Variants in DMXL1 observed in about 807,000 individuals in gnomAD.
DMXL1 encodes dmX-like protein 1.
In DMXL1, 99 loss-of-function variants were observed where a neutral mutation model predicts 319.2. The observed-to-expected ratio is 0.31, with a 90% CI of 0.26 to 0.37. The LOEUF (loss-of-function observed/expected upper bound fraction) is 0.37. Ranked by LOEUF, DMXL1 falls within the 10% of genes least tolerant of loss-of-function variation. The pLI is 1.00. For synonymous variants in DMXL1, 1,385 were observed against 1,235.2 expected, an observed-to-expected ratio of 1.12 and a Z score of -2.54; for missense variants, 3,745 against 3,595.6, an observed-to-expected ratio of 1.04 and a Z score of -1.06.
chr5:119,072,949 A>T (rs1023386903), intron 1 of DMXL1, among the ~76,000 whole-genome samples: 4 of 152,182 alleles, frequency 2.6e-5, no homozygotes, highest in Non-Finnish European at 4.4e-5. Context: ...AGGAAAGTAA[A>T]CATCATCCTT....
In DMXL1 at chr5:119,203,428, C is replaced by A. The variant is rs1346557124; in HGVS notation, c.7855C>A (p.Leu2619Ile). 1.9e-6 allele frequency: 3 copies of A among 1,584,136 alleles called. No individual in the cohort carries two copies. Among genetic ancestry groups the A allele is most frequent in the South Asian group, 2.3e-5 (2 of 88,296 alleles). The change falls in exon 33 of 44, where the codon CTA becomes ATA. Residue 2619 changes from leucine to isoleucine, a missense_variant. This residue lies in a region of DMXL1 where 1,382 missense variants were observed against 1,269.5 expected (regional missense o/e 1.09). Coordinates refer to ENST00000539542, the MANE Select transcript of DMXL1 (RefSeq NM_001290321.3). ...AAATATATTCACAAAGAAACGGTGT[C>A]TAAATGAGGTCTGTATAAGTTAAAA... ...IKNIFTKKRC[L>I]NESLEDNSET...
chr5:119,108,376 C>G lies in DMXL1; in HGVS notation c.365-1775C>G, dbSNP rs529172979. Among the ~76,000 whole-genome samples the G allele has an allele frequency of 1.1e-4, 16 of 152,058 alleles. No homozygotes were observed. The East Asian group carries it at 3.1e-3, about 29-fold the overall frequency. ...ATAGAGTTGGAATCTGTCCTTTAAC[C>G]CTCTTGTTTTTTCTCTGTATTTATT... is the stretch of plus-strand genomic sequence containing the variant. On this transcript the variant is annotated intron_variant, in intron 4 of 43. Transcript: ENST00000539542.
rs1032568023 is a variant in DMXL1 at position 119,110,086 on chromosome 5, T to G, written c.365-65T>G. The G allele has an allele frequency of 3.6e-6, 5 of 1,404,216 alleles. No individual in the cohort carries two copies. In the Admixed American group the frequency reaches 1.0e-4, roughly 29 times the overall value. 87.0% of individuals were successfully genotyped at this position (1,404,216 alleles called of 1,614,324 possible). ...TAGAAGTTGTTTTATATGAAATTCT[T>G]GAGCATGTAAATTAAGTCACTATTA... On this transcript the variant is annotated intron_variant, in intron 4 of 43. Transcript: ENST00000539542.
At position 119,249,121 on chromosome 5, in the gene DMXL1, A is replaced by C. The variant is rs532195589; in HGVS notation, c.*1902A>C. The C allele has an allele frequency of 6.5e-5, 10 of 152,684 alleles. No homozygotes were observed. The East Asian group carries it at 1.7e-3, about 26-fold the overall frequency. The allele number at this position is 152,684 out of a possible 1,614,324, so 9.5% of individuals were successfully genotyped here. A position where few individuals can be genotyped will look rare whatever the true frequency, so the allele number is the denominator to read the frequency against. On this transcript the variant is annotated 3_prime_UTR_variant, in exon 44 of 44. Coordinates refer to ENST00000539542, the MANE Select transcript of DMXL1 (RefSeq NM_001290321.3). ...ATATTTTAAATAAACAATCATGCAG[A>C]AACTTTTTTAGGGGGTATACTATTG...
intron 28 of DMXL1, among the ~76,000 whole-genome samples, chr5:119,179,620 T>C (rs891549639): frequency 2.0e-5 from 3 of 152,206 alleles, no homozygotes; most frequent in Non-Finnish European, 2.9e-5. Context: ...TATTACCTTG[T>C]TAAAATATTT....
At chr5:119,200,876 G>C (rs1780576660) in intron 32 of DMXL1, among the ~76,000 whole-genome samples, 1 of 152,142 alleles carries the variant, frequency 6.6e-6, no homozygotes, top group African/African-American at 2.4e-5. Flanking sequence ...CTTAGCTGTT[G>C]TTGGTGTATA....
At chr5:119,216,393 A>G (rs1369047023) in intron 34 of DMXL1, among the ~76,000 whole-genome samples, 1 of 152,202 alleles carries the variant, frequency 6.6e-6, no homozygotes, top group African/African-American at 2.4e-5. Context: ...CTATAAATCA[A>G]AGGTTAACTA....
At chr5:119,205,691 G>A (rs926440996) in intron 33 of DMXL1, among the ~76,000 whole-genome samples, 24 of 151,910 alleles carry the variant, frequency 1.6e-4, no homozygotes, top group Admixed American at 1.4e-3. Context: ...TTAAAATAGT[G>A]TCTTTTTGAT....
intron 1 of DMXL1, among the ~76,000 whole-genome samples, chr5:119,086,217 T>C (rs1056697549): frequency 2.4e-4 from 37 of 152,196 alleles, no homozygotes; most frequent in Admixed American, 2.1e-3. Flanking sequence ...GTGAGACTTA[T>C]TCACTACCGT....
intron 18 of DMXL1, among the ~76,000 whole-genome samples, chr5:119,150,942 CAA>C (rs1769651539): frequency 6.6e-6 from 1 of 151,296 alleles, no homozygotes; most frequent in African/African-American, 2.4e-5. Flanking sequence ...AGCGAGTGCA[CAA>C]AGACTCGTTA....
In DMXL1 at chr5:119,230,574, C is replaced by T. The variant is rs897951659; in HGVS notation, c.8339-2766C>T. 7.2e-5 allele frequency among the ~76,000 whole-genome samples: 11 copies of T among 152,254 alleles called. No individual in the cohort carries two copies. In the South Asian group the frequency reaches 1.5e-3, roughly 20 times the overall value. On this transcript the variant is annotated intron_variant, in intron 38 of 43. Coordinates refer to ENST00000539542, the MANE Select transcript of DMXL1 (RefSeq NM_001290321.3). ...GATCTGCCAGATACAAAATATCAAA[C>T]TCAGTCGTTTATAAAAAGGATATCT...
In DMXL1 at chr5:119,227,906, A is replaced by G. The variant is rs549688041; in HGVS notation, c.8338+3137A>G. ...CTTCCAAATTCTGGAGGGATCAGGT[A>G]GAGAGAAAAAGTAATTGTTTTATCT... On this transcript the variant is annotated intron_variant, in intron 38 of 43. Coordinates refer to ENST00000539542, the MANE Select transcript of DMXL1 (RefSeq NM_001290321.3). Among the ~76,000 whole-genome samples the G allele has an allele frequency of 3.9e-5, 6 of 152,332 alleles. No individual in the cohort carries two copies. The South Asian group carries it at 1.2e-3, about 32-fold the overall frequency.
intron 19 of DMXL1, among the ~76,000 whole-genome samples, chr5:119,161,398 C>T (rs1772237456): frequency 6.6e-6 from 1 of 151,038 alleles, no homozygotes; most frequent in Admixed American, 6.6e-5. Context: ...TGAAGTTGGG[C>T]AGGGTTGCAG....
chr5:119,212,537 T>A (rs1782980383), intron 34 of DMXL1, among the ~76,000 whole-genome samples: 1 of 152,266 alleles, frequency 6.6e-6, no homozygotes, highest in Admixed American at 6.5e-5. Flanking sequence ...TCTGAATCTC[T>A]GCTTTCAGTT....
At chr5:119,128,700 G>C (rs1320750417) in intron 9 of DMXL1, among the ~76,000 whole-genome samples, 1 of 152,114 alleles carries the variant, frequency 6.6e-6, no homozygotes. Flanking sequence ...TGCATATGTA[G>C]GATGGGGAAT....
rs368480744 is a variant in DMXL1 at position 119,121,035 on chromosome 5, A to G, written c.998A>G (p.Tyr333Cys). The G allele has an allele frequency of 6.2e-7, 1 of 1,613,734 alleles. No individual in the cohort carries two copies. The highest frequency in any genetic ancestry group is 8.5e-7 in the Non-Finnish European group (1 of 1,179,974). ...RSLALVAHTGYLPHQQDPHHV... is the reference protein window; with the variant it reads ...RSLALVAHTGCLPHQQDPHHV... ...CTTGCTCTTGTAGCACATACGGGAT[A>G]TCTACCACATCAGCAGGATCCTCAT... The change falls in exon 9 of 44, where the codon TAT becomes TGT. Residue 333 changes from tyrosine to cysteine, a missense_variant. Around this residue, in one of 4 missense-constraint regions of DMXL1, gnomAD observed 2,096 missense variants for 1,985.4 expected, o/e 1.06. Coordinates refer to ENST00000539542, the MANE Select transcript of DMXL1 (RefSeq NM_001290321.3).
intron 23 of DMXL1, among the ~76,000 whole-genome samples, 156 bp from the exon 24 acceptor site, chr5:119,170,034 T>C (rs1390172835): frequency 1.3e-5 from 2 of 152,228 alleles, no homozygotes; most frequent in Non-Finnish European, 2.9e-5. Flanking sequence ...AAATGTGTTG[T>C]TGTCTCTTCA....
chr5:119,071,788 C>G, intron 1 of DMXL1, 132 bp downstream of exon 1: 1 of 738,104 alleles, frequency 1.4e-6, no homozygotes, highest in South Asian at 1.9e-5. Context: ...ACCCAGAACC[C>G]AGCAGACCTG....
At chr5:119,152,896 TCTCA>T (rs1770138479) in intron 19 of DMXL1, among the ~76,000 whole-genome samples, 1 of 152,216 alleles carries the variant, frequency 6.6e-6, no homozygotes, top group African/African-American at 2.4e-5. Context: ...TCTTTGTTTC[TCTCA>T]CTATTTTCTT....
Sources: allele counts gnomAD v4.1 joint callset (sites outside exome capture counted in the v4.1 genomes callset), GRCh38; gene constraint gnomAD v4.1.1; regional missense constraint gnomAD v4.1.1; transcripts MANE v1.5; gene names NCBI Gene and HGNC (gene_info 2026-07-23, HGNC 2026-07-21).